Variants in FBXO2 observed in about 807,000 individuals in gnomAD.
The protein encoded by FBXO2 is F-box protein 2, also known as F-box only protein 2.
FBXO2 carries 32 observed loss-of-function variants against 38.6 expected under a neutral mutation model. The observed-to-expected ratio is 0.83, with a 90% CI of 0.62 to 1.11. FBXO2 has a LOEUF of 1.11. FBXO2 is among the 50% of genes most tolerant of loss of function. The pLI is 0.00. For synonymous variants in FBXO2, 189 were observed against 182.9 expected (o/e 1.03, Z -0.27); for missense variants, 450 against 418.3 (o/e 1.08, Z -0.66).
intron 1 of FBXO2, among the ~76,000 whole-genome samples, chr1:11,653,125 G>A (rs1431705596): frequency 6.6e-6 from 1 of 152,170 alleles, no homozygotes; most frequent in Non-Finnish European, 1.5e-5. Flanking sequence ...CCAGGCAGAT[G>A]CCCACAGCTC....
Position 11,648,933 on chromosome 1 carries a change from C to T in FBXO2, c.757-105G>A, listed in dbSNP as rs1639464239. ...CTGCAGCTCCCCCACTCGGTTTCTC[C>T]GCGGTATTCAGAACTCTCTCCACCA... On this transcript the variant is annotated intron_variant, in intron 5 of 5. Coordinates refer to ENST00000354287, the MANE Select transcript of FBXO2 (RefSeq NM_012168.6). The surrounding 1 kb of genome is among the most constrained non-coding windows in gnomAD (Gnocchi z 4.2). The T allele has an allele frequency of 3.3e-6, 5 of 1,536,776 alleles. No homozygotes were observed. The highest frequency in any genetic ancestry group is 4.4e-6 in the Non-Finnish European group (5 of 1,129,014).
At chr1:11,649,424 G>A (rs1639476319) in intron 4 of FBXO2, 199 bp from the exon 5 acceptor site, 10 of 610,974 alleles carry the variant, frequency 1.6e-5, no homozygotes, top group South Asian at 5.9e-5. Flanking sequence ...GACAGCCCAC[G>A]AGCGAAACAC....
Position 11,650,024 on chromosome 1 carries a change from C to T in FBXO2, c.442G>A (p.Val148Met). ...CCACTGTCTCCAGGCAGCTCCTCCA[C>T]CCTCCAGCCGTCCCCACCATGCTCC... ...DVEHGGDGWRVEELPGDSGVE... is the reference protein window; with the variant it reads ...DVEHGGDGWRMEELPGDSGVE... The change falls in exon 3 of 6, where the codon GTG becomes ATG. Residue 148 changes from valine (V) to methionine (M), a missense_variant. Val to Met is a conservative substitution (Grantham distance 21, BLOSUM62 1). Coordinates refer to ENST00000354287, the MANE Select transcript of FBXO2 (RefSeq NM_012168.6). The T allele has an allele frequency of 1.2e-6, 2 of 1,614,138 alleles. No homozygotes were observed. The highest frequency in any genetic ancestry group is 1.1e-5 in the South Asian group (1 of 91,088).
At chr1:11,649,005 G>T in intron 5 of FBXO2, 82 bp downstream of exon 5, 1 of 1,357,742 alleles carries the variant, frequency 7.4e-7, no homozygotes, top group Admixed American at 2.1e-5. Flanking sequence ...CCCCAGCCCA[G>T]GAGCGCTGTG....
At chr1:11,651,706 T>G (rs1639523599) in intron 1 of FBXO2, among the ~76,000 whole-genome samples, 1 of 82,286 alleles carries the variant, frequency 1.2e-5, no homozygotes, top group Non-Finnish European at 2.5e-5. Context: ...GATTTTGACT[T>G]TTTTTTTTTT....
At chr1:11,650,415 G>C (rs1206743579) in intron 2 of FBXO2, 51 bp downstream of exon 2, 1 of 1,577,198 alleles carries the variant, frequency 6.3e-7, no homozygotes, top group Admixed American at 1.8e-5. Context: ...GCGCCGTTTC[G>C]GCCCATTTCG....
rs1639496448 is a variant in FBXO2, at chr1:11,650,482, A to T, written c.375T>A (p.Arg125=). 30 of 1,609,750 alleles carry T rather than the reference A, an allele frequency of 1.9e-5. No individual in the cohort carries two copies. The highest frequency in any genetic ancestry group is 2.5e-5 in the Non-Finnish European group (30 of 1,178,752). The change falls in exon 2 of 6, where the codon CGT becomes CGA. Residue 125 remains arginine, a synonymous_variant. Transcript: ENST00000354287. ...GCCTCTCACCTTCCCCACACGGGTT[A>T]CGCAGAAGGTTGCGGCGCCGCTTGC... ...FLSKRRRNLL[R]NPCGEEDLEG...
chr1:11,653,977 G>A, intron 1 of FBXO2: 1 of 282,966 alleles, frequency 3.5e-6, no homozygotes, highest in Non-Finnish European at 6.6e-6. Flanking sequence ...GCTGATGAAA[G>A]AAAAGGCTCG....
At chr1:11,651,152 T>C (rs553544846) in intron 1 of FBXO2, among the ~76,000 whole-genome samples, 1 of 152,194 alleles carries the variant, frequency 6.6e-6, no homozygotes. Flanking sequence ...CACTGCACAG[T>C]GCTTCACACA....
chr1:11,654,153 CAG>C lies in FBXO2; in HGVS notation c.22+164_22+165del, dbSNP rs1481317547. 7.4e-6 allele frequency: 5 copies of C among 677,706 alleles called. No homozygotes were observed. In the African/African-American group the frequency reaches 7.6e-5, roughly 10 times the overall value. The allele number at this position is 677,706 out of a possible 1,614,324, so 42.0% of individuals were successfully genotyped here. On this transcript the variant is annotated intron_variant, in intron 1 of 5. Transcript: ENST00000354287. ...AAGGCCTCCCGCCAGACCAAGATAG[CAG>C]AGAGACGTGCTCTTTGGAGACCGCC...
Position 11,650,599 on chromosome 1 carries a change from C to T in FBXO2, c.258G>A (p.Pro86=), listed in dbSNP as rs773737689. The change falls in exon 2 of 6, where the codon CCG becomes CCA. Residue 86 remains proline (P), a synonymous_variant. Transcript: ENST00000354287. ...CCTGCTGGCACTTGAGCAGCCACAG[C>T]GGGGCGCCGTCCACCAGCTCCTTCC... ...LRWKELVDGA[P]LWLLKCQQEG... 13 of 1,592,068 alleles carry T rather than the reference C, an allele frequency of 8.2e-6. No individual in the cohort carries two copies. The highest frequency in any genetic ancestry group is 2.7e-5 in the African/African-American group (2 of 74,614).
At position 11,650,845 on chromosome 1, in the gene FBXO2, G is replaced by A. The variant is rs902598165; in HGVS notation, c.23-11C>T. On this transcript the variant is annotated splice_polypyrimidine_tract_variant and intron_variant, in intron 1 of 5. Transcript: ENST00000354287. ...GCTGGCCCACGCTCTCTGCAGGCAGGGATGGGTGGGAGGCTGTGATTCCTC... is the reference window on the plus strand; with the variant it reads ...GCTGGCCCACGCTCTCTGCAGGCAGAGATGGGTGGGAGGCTGTGATTCCTC... 6.4e-7 allele frequency: 1 copy of A among 1,556,254 alleles called. No individual in the cohort carries two copies. The highest frequency in any genetic ancestry group is 8.6e-7 in the Non-Finnish European group (1 of 1,157,786).
intron 4 of FBXO2, 31 bp from the exon 5 acceptor site, chr1:11,649,256 C>A (rs746494486): frequency 2.2e-4 from 18 of 80,338 alleles, no homozygotes; most frequent in Non-Finnish European, 4.0e-4. Flanking sequence ...AGGTGGGGGG[C>A]GGGAGGTGGG....
chr1:11,649,423 C>T (rs2100585085), intron 4 of FBXO2, 198 bp from the exon 5 acceptor site: 2 of 610,858 alleles, frequency 3.3e-6, no homozygotes, highest in Non-Finnish European at 5.7e-6. Context: ...TGACAGCCCA[C>T]GAGCGAAACA....
intron 1 of FBXO2, among the ~76,000 whole-genome samples, chr1:11,651,793 A>G (rs575792743): frequency 1.3e-5 from 2 of 152,238 alleles, no homozygotes; most frequent in African/African-American, 2.4e-5. Flanking sequence ...GGTAGCTGGA[A>G]GCTGAGAAGC....
At chr1:11,652,128 C>T (rs952093864) in intron 1 of FBXO2, among the ~76,000 whole-genome samples, 1 of 152,160 alleles carries the variant, frequency 6.6e-6, no homozygotes, top group Non-Finnish European at 1.5e-5. Flanking sequence ...TACACCCAGG[C>T]CAGGATTTTG....
Position 11,649,227 on chromosome 1 carries a change from T to C in FBXO2, c.618-2A>G. Reference sequence around the variant, plus strand: ...CCAGCGTCGCTGCGGCCCGAGTACCTGCTCAGAGGGAGGGAGCGAGGTGGG... The same window carrying C: ...CCAGCGTCGCTGCGGCCCGAGTACCCGCTCAGAGGGAGGGAGCGAGGTGGG... On this transcript the variant is annotated splice_acceptor_variant, in intron 4 of 5. Coordinates refer to ENST00000354287, the MANE Select transcript of FBXO2 (RefSeq NM_012168.6). LOFTEE classifies it high-confidence loss of function. The C allele has an allele frequency of 7.7e-7, 1 of 1,306,238 alleles. No individual in the cohort carries two copies. The highest frequency in any genetic ancestry group is 1.0e-6 in the Non-Finnish European group (1 of 980,896). The allele number at this position is 1,306,238 out of a possible 1,614,324, so 80.9% of individuals were successfully genotyped here. A position where few individuals can be genotyped will look rare whatever the true frequency, so the allele number is the denominator to read the frequency against.
chr1:11,652,552 G>T (rs1639542203), intron 1 of FBXO2, among the ~76,000 whole-genome samples: 1 of 152,228 alleles, frequency 6.6e-6, no homozygotes, highest in Non-Finnish European at 1.5e-5. Flanking sequence ...TTGCATCCCA[G>T]TCGGCTTCAG....
chr1:11,652,215 G>A (rs550841481), intron 1 of FBXO2, among the ~76,000 whole-genome samples: 3 of 152,190 alleles, frequency 2.0e-5, no homozygotes, highest in Non-Finnish European at 4.4e-5. Context: ...TTAGGGAAGG[G>A]GACATGGGAC....
Sources: allele counts gnomAD v4.1 joint callset (sites outside exome capture counted in the v4.1 genomes callset), GRCh38; gene constraint gnomAD v4.1.1; non-coding constraint Gnocchi (gnomAD v3.1); transcripts MANE v1.5; gene names NCBI Gene and HGNC (gene_info 2026-07-23, HGNC 2026-07-21).